Variants in RIF1 observed in about 807,000 individuals in gnomAD.
The protein encoded by RIF1 is telomere-associated protein RIF1.
RIF1 carries 45 observed loss-of-function variants against 247.1 expected under a neutral mutation model. The observed-to-expected ratio is 0.18, with a 90% CI of 0.14 to 0.23. The LOEUF is 0.23. Among genes scored for constraint, RIF1 ranks in the 10% least tolerant of loss-of-function variants. The pLI, the probability that RIF1 is intolerant of heterozygous loss-of-function variation, is 1.00. For missense variants in RIF1, 2,967 were observed against 2,862.5 expected (o/e 1.04, Z -0.83); for synonymous variants, 1,087 against 978.8 (o/e 1.11, Z -2.06).
chr2:151,492,093 G>A lies in RIF1; in HGVS notation c.*416-3136G>A, dbSNP rs1030050707. On this transcript the variant is annotated intron_variant and NMD_transcript_variant, in intron 9 of 13. Coordinates refer to the RIF1 transcript ENST00000454583. ...AATCCCCTCCCCCAACCCAGGCTCAGTTACCTGTAATAGTCTCCTGATCTT... is the reference window on the plus strand; with the variant it reads ...AATCCCCTCCCCCAACCCAGGCTCAATTACCTGTAATAGTCTCCTGATCTT... 1.2e-6 allele frequency: 2 copies of A among 1,613,574 alleles called. No homozygotes were observed. The highest frequency in any genetic ancestry group is 2.7e-5 in the African/African-American group (2 of 75,020).
intron 16 of RIF1, among the ~76,000 whole-genome samples, chr2:151,442,670 T>G (rs1051830371): frequency 1.3e-5 from 2 of 151,992 alleles, no homozygotes; most frequent in African/African-American, 4.8e-5. Flanking sequence ...GGGATTCCAG[T>G]AAGTTTTAAA....
chr2:151,453,878 A>G (rs1224867270), intron 21 of RIF1, among the ~76,000 whole-genome samples: 1 of 152,178 alleles, frequency 6.6e-6, no homozygotes, highest in Non-Finnish European at 1.5e-5. Context: ...CTAATATCAC[A>G]TGGATTATGC....
chr2:151,452,612 T>C (rs566314077), intron 21 of RIF1, among the ~76,000 whole-genome samples: 9 of 152,336 alleles, frequency 5.9e-5, no homozygotes, highest in East Asian at 3.9e-4. Flanking sequence ...CGTGGAAATA[T>C]AGGTTATAGA....
At chr2:151,466,693 T>C (rs1214913416) in intron 30 of RIF1, among the ~76,000 whole-genome samples, 1 of 152,256 alleles carries the variant, frequency 6.6e-6, no homozygotes, top group Non-Finnish European at 1.5e-5. Flanking sequence ...TCAGGCCTTG[T>C]GCCTTGCACA....
At chr2:151,473,914 T>TTTG (rs530729420) in intron 34 of RIF1, 50 bp from the exon 35 acceptor site, 28 of 916,822 alleles carry the variant, frequency 3.1e-5, no homozygotes, top group East Asian at 2.7e-4. Context: ...AAAGTTTCAA[T>TTTG]TTGTTGTTGT....
In RIF1 at chr2:151,435,459, A is replaced by G; in HGVS notation, c.1078-4A>G. The stretch of plus-strand genomic sequence containing the variant: ...ATAGATCGATGTTTTCTTTTACCCC[A>G]TAGGTTTGTGTGCCTCTGATTCAAA... On this transcript the variant is annotated splice_region_variant and splice_polypyrimidine_tract_variant and intron_variant, in intron 10 of 35. Transcript: ENST00000444746. 4 of 1,551,932 alleles carry G rather than the reference A, an allele frequency of 2.6e-6. No homozygotes were observed. Among genetic ancestry groups the G allele is most frequent in the Non-Finnish European group, 2.7e-6 (3 of 1,123,848 alleles).
At chr2:151,427,996 G>T (rs1346765602) in intron 8 of RIF1, among the ~76,000 whole-genome samples, 1 of 152,194 alleles carries the variant, frequency 6.6e-6, no homozygotes, top group Admixed American at 6.5e-5. Context: ...GGCAGAGGTT[G>T]CAGTGAGCTG....
intron 3 of RIF1, 105 bp downstream of exon 3, chr2:151,411,443 C>T (rs900026265): frequency 8.7e-6 from 6 of 687,706 alleles, no homozygotes; most frequent in South Asian, 5.7e-5. Flanking sequence ...GTTGCCCAGG[C>T]GAGAGTGCAA....
At chr2:151,456,518 A>G in intron 22 of RIF1, 60 bp from the exon 23 acceptor site, 3 of 871,446 alleles carry the variant, frequency 3.4e-6, no homozygotes, top group Non-Finnish European at 3.7e-6. Flanking sequence ...GATTAGCTTG[A>G]TAGATAGTAC....
In RIF1 at chr2:151,469,675, T is replaced by C. The variant is rs781629741; in HGVS notation, c.6942-36T>C. 3.5e-6 allele frequency: 5 copies of C among 1,423,550 alleles called. No individual in the cohort carries two copies. In the South Asian group the frequency reaches 7.8e-5, roughly 22 times the overall value. The allele number at this position is 1,423,550 out of a possible 1,614,324, so 88.2% of individuals were successfully genotyped here. On this transcript the variant is annotated intron_variant, in intron 33 of 35. Coordinates refer to ENST00000444746, the MANE Select transcript of RIF1 (RefSeq NM_018151.5). ...CTTGCAAATAGCATATAAATAAAAC[T>C]ATATAATTATAATTTCCTGTTTCTG...
chr2:151,446,618 G>T (rs1435606596), intron 20 of RIF1, 43 bp downstream of exon 20: 4 of 1,582,432 alleles, frequency 2.5e-6, no homozygotes, highest in South Asian at 1.2e-5. Flanking sequence ...TGTTTTTAAA[G>T]GATTCTTTTC....
rs752996570 is a variant in RIF1 at position 151,468,132 on chromosome 2, A to G, written c.6733A>G (p.Thr2245Ala). 3.1e-6 allele frequency: 5 copies of G among 1,612,332 alleles called. No individual in the cohort carries two copies. The African/African-American group carries it at 4.0e-5, about 13-fold the overall frequency. ...AGGAAAAAGTGTTAAAACTTCTCCT[A>G]CTACACAATCTAAGGTAAGCTATAG... is the stretch of plus-strand genomic sequence containing the variant. ...PIGKSVKTSPTTQSKHNTTSA... is the reference protein window; with the variant it reads ...PIGKSVKTSPATQSKHNTTSA... The change falls in exon 31 of 36, where the codon ACT becomes GCT. Residue 2245 changes from threonine (T) to alanine (A), a missense_variant. Transcript: ENST00000444746.
chr2:151,498,296 C>A lies in RIF1; in HGVS notation c.*514-1049C>A, dbSNP rs758996758. 146 of 1,551,402 alleles carry A rather than the reference C, an allele frequency of 9.4e-5. No homozygotes were observed. The highest frequency in any genetic ancestry group is 1.7e-4 in the Middle Eastern group (1 of 6,010). ...TTTCTTGATTGTGTTTGACTCTCTG[C>A]ATCTCAGGAGTGATGGGGATTGGAA... On this transcript the variant is annotated intron_variant and NMD_transcript_variant, in intron 10 of 13. Transcript: ENST00000454583.
At chr2:151,483,897 A>G (rs1056249813), downstream of RIF1, among the ~76,000 whole-genome samples, 2 of 152,226 alleles carry the variant, frequency 1.3e-5, no homozygotes, top group Admixed American at 1.3e-4. Flanking sequence ...CTGAGGTGGA[A>G]CAGTTTCGTT....
the RIF1 span, chr2:151,534,294 T>C: frequency 2.5e-6 from 4 of 1,613,536 alleles, no homozygotes; most frequent in African/African-American, 2.7e-5. Flanking sequence ...ATCTTTCCGC[T>C]GCTCATAATC....
downstream of RIF1, among the ~76,000 whole-genome samples, chr2:151,484,338 G>T (rs1175923071): frequency 6.6e-6 from 1 of 152,262 alleles, no homozygotes; most frequent in African/African-American, 2.4e-5. Flanking sequence ...GCTCAGGCCT[G>T]TAATCCCAGC....
chr2:151,513,916 G>A, the RIF1 span, among the ~76,000 whole-genome samples: 1 of 152,120 alleles, frequency 6.6e-6, no homozygotes, highest in Non-Finnish European at 1.5e-5. Flanking sequence ...GTCAACAGAG[G>A]TCTCCTTTTG....
In RIF1 at chr2:151,465,117, T is replaced by C. The variant is rs764935797; in HGVS notation, c.5597T>C (p.Leu1866Ser). Residue 1866 changes from leucine (L) to serine (S), a missense_variant, in exon 30 of 36, where the codon TTA (leucine) becomes TCA (serine). Leu to Ser is a moderately radical substitution (Grantham distance 145, BLOSUM62 -2). Coordinates refer to ENST00000444746, the MANE Select transcript of RIF1 (RefSeq NM_018151.5). ...AATTTTAAAACTGTTGGCCCGTGTT[T>C]AGGAGACTCGAAAAATGTTTCACAG... Reference protein sequence around the residue: ...NENFKTVGPCLGDSKNVSQES... With the variant: ...NENFKTVGPCSGDSKNVSQES... 1.6e-5 allele frequency: 26 copies of C among 1,612,628 alleles called. No individual in the cohort carries two copies. The highest frequency in any genetic ancestry group is 2.2e-5 in the Non-Finnish European group (26 of 1,179,752).
rs1284878149 is a variant in RIF1, at chr2:151,481,326, A to C, written c.*6255A>C. ...TACTTACGTGTTTTACTATTGCTCAAATTACAGATACTAGGAAACACTACT... is the reference window on the plus strand; with the variant it reads ...TACTTACGTGTTTTACTATTGCTCACATTACAGATACTAGGAAACACTACT... On this transcript the variant is annotated 3_prime_UTR_variant, in exon 36 of 36. Coordinates refer to ENST00000444746, the MANE Select transcript of RIF1 (RefSeq NM_018151.5). 1 of 152,224 alleles carries C rather than the reference A, an allele frequency of 6.6e-6. No homozygotes were observed. Among genetic ancestry groups the C allele is most frequent in the African/African-American group, 2.4e-5 (1 of 41,448 alleles). The allele number at this position is 152,224 out of a possible 1,614,324, so 9.4% of individuals were successfully genotyped here.
Sources: allele counts gnomAD v4.1 joint callset (sites outside exome capture counted in the v4.1 genomes callset), GRCh38; gene constraint gnomAD v4.1.1; transcripts MANE v1.5; gene names NCBI Gene and HGNC (gene_info 2026-07-23, HGNC 2026-07-21).